The following KCNH3 variants were observed in gnomAD, a reference collection of about 807,000 sequenced individuals.
The protein encoded by KCNH3 is voltage-gated inwardly rectifying potassium channel KCNH3.
KCNH3 carries 36 observed loss-of-function variants against 95.6 expected under a neutral mutation model. The observed-to-expected ratio is 0.38, with a 90% CI of 0.29 to 0.50. KCNH3 has a LOEUF of 0.50. Ranked by LOEUF, KCNH3 falls within the 20% of genes least tolerant of loss-of-function variation. The pLI, the probability that KCNH3 is intolerant of heterozygous loss-of-function variation, is 0.95. For synonymous variants in KCNH3, 620 were observed against 646.3 expected (o/e 0.96, Z 0.62); for missense variants, 1,030 against 1,484.1 (o/e 0.69, Z 5.03).
intron 11 of KCNH3, 115 bp downstream of exon 11, chr12:49,554,669 C>T (rs1938371553): frequency 4.4e-6 from 4 of 917,836 alleles, no homozygotes; most frequent in East Asian, 2.6e-5. Context: ...GGTATGAAAG[C>T]TCCCACCTTG....
intron 7 of KCNH3, among the ~76,000 whole-genome samples, chr12:49,547,866 T>C (rs938513454): frequency 6.6e-6 from 1 of 151,784 alleles, no homozygotes; most frequent in African/African-American, 2.4e-5. Context: ...CTCTCTCCCT[T>C]GCACCCCATG....
intron 7 of KCNH3, among the ~76,000 whole-genome samples, chr12:49,548,095 C>CGT (rs369626063): frequency 0.047 from 6,941 of 146,598 alleles, 319 homozygotes; most frequent in Admixed American, 0.15. Flanking sequence ...CCTGTGACTA[C>CGT]GTGTGTGTGT....
chr12:49,548,941 G>T lies in KCNH3; in HGVS notation c.1236G>T (p.Leu412=). 6.2e-7 allele frequency: 1 copy of T among 1,601,734 alleles called. No homozygotes were observed. Among genetic ancestry groups the T allele is most frequent in the Non-Finnish European group, 8.5e-7 (1 of 1,174,858 alleles). The part of the protein sequence containing the change: ...LARRLETPYY[L]VGRRPAGGNS... ...GCCGACTGGAGACTCCCTACTACCT[G>T]GTGGGCCGGAGGCCAGCTGGAGGGA... Residue 412 remains leucine, a synonymous_variant, in exon 8 of 15, where the codon CTG becomes CTT. Coordinates refer to ENST00000257981, the MANE Select transcript of KCNH3 (RefSeq NM_012284.3).
In KCNH3 at chr12:49,543,463, C is replaced by T. The variant is rs749555874; in HGVS notation, c.768C>T (p.Ala256=). The T allele has an allele frequency of 1.9e-5, 31 of 1,602,124 alleles. No individual in the cohort carries two copies. The highest frequency in any genetic ancestry group is 2.5e-5 in the Non-Finnish European group (29 of 1,179,372). ...VCVSTAREPS[A]ARGPPSVCDL... is the part of the protein sequence containing the mutation. ...TGAGCACAGCACGGGAGCCCAGTGC[C>T]GCCCGCGGCCCGCCCAGCGTCTGTG... Residue 256 remains alanine (A), a synonymous_variant, in exon 5 of 15, where the codon GCC becomes GCT. Coordinates refer to ENST00000257981, the MANE Select transcript of KCNH3 (RefSeq NM_012284.3).
intron 5 of KCNH3, 37 bp from the exon 6 acceptor site, chr12:49,543,878 C>A (rs748165905): frequency 2.5e-6 from 4 of 1,581,840 alleles, no homozygotes; most frequent in Admixed American, 1.7e-5. Context: ...GCTGCCCCCC[C>A]AGCCCCAGTG....
chr12:49,551,252 C>A (rs1402265071), intron 10 of KCNH3, among the ~76,000 whole-genome samples: 1 of 152,130 alleles, frequency 6.6e-6, no homozygotes, highest in African/African-American at 2.4e-5. Context: ...CATTCTAACT[C>A]TCAGGGAAAC....
At chr12:49,548,560 G>A (rs1938147327) in intron 7 of KCNH3, among the ~76,000 whole-genome samples, 1 of 152,180 alleles carries the variant, frequency 6.6e-6, no homozygotes, top group East Asian at 1.9e-4. Context: ...TTTTGGGGTT[G>A]AGGCTGTGGT....
In KCNH3 at chr12:49,539,229, C is replaced by G. The variant is rs1157534384; in HGVS notation, c.-188C>G. 5.8e-6 allele frequency: 1 copy of G among 173,590 alleles called. No individual in the cohort carries two copies. The highest frequency in any genetic ancestry group is 6.3e-5 in the Admixed American group (1 of 15,858). The allele number at this position is 173,590 out of a possible 1,614,324, so 10.8% of individuals were successfully genotyped here. ...GGGCCGCGCGCCATGCTCCGGGCCC[C>G]GACGGCGCGGACGCCCCCTCGCGCG... On this transcript the variant is annotated 5_prime_UTR_variant, in exon 1 of 15. Transcript: ENST00000257981. The surrounding 1 kb of genome is among the most constrained non-coding windows in gnomAD (Gnocchi z 6.7).
chr12:49,549,248 G>T, intron 8 of KCNH3, 75 bp downstream of exon 8: 1 of 1,512,436 alleles, frequency 6.6e-7, no homozygotes, highest in Non-Finnish European at 8.9e-7. Context: ...CCCACTCCCC[G>T]GAGGGCCTGA....
At chr12:49,553,523 TTAACTC>T (rs1414068884) in intron 10 of KCNH3, among the ~76,000 whole-genome samples, 1 of 152,174 alleles carries the variant, frequency 6.6e-6, no homozygotes, top group Non-Finnish European at 1.5e-5. Context: ...TTTATCTACA[TTAACTC>T]TAATTTAGCC....
At chr12:49,545,401 G>C (rs1938025466) in intron 7 of KCNH3, among the ~76,000 whole-genome samples, 1 of 143,394 alleles carries the variant, frequency 7.0e-6, no homozygotes, top group Non-Finnish European at 1.5e-5. Flanking sequence ...AGATGCAGGT[G>C]GCTTTTTTTT....
intron 1 of KCNH3, among the ~76,000 whole-genome samples, chr12:49,540,601 C>G (rs1240707466): frequency 6.6e-6 from 1 of 152,166 alleles, no homozygotes; most frequent in African/African-American, 2.4e-5. Context: ...TCCCCAATCC[C>G]AGCCCTTACC....
Position 49,539,812 on chromosome 12 carries a change from T to A in KCNH3, c.76+320T>A, listed in dbSNP as rs1166588265. On this transcript the variant is annotated intron_variant, in intron 1 of 14. Coordinates refer to ENST00000257981, the MANE Select transcript of KCNH3 (RefSeq NM_012284.3). This position sits in a 1 kb window ranked among gnomAD's most constrained non-coding sequence, Gnocchi z 6.7. ...CCCATCCCACCCCTGCGTCTGGCGC[T>A]GTCGCAGCAACTACCCTCGGACTGG... Among the ~76,000 whole-genome samples the A allele has an allele frequency of 1.3e-5, 2 of 152,170 alleles. No individual in the cohort carries two copies. Among genetic ancestry groups the A allele is most frequent in the Non-Finnish European group, 2.9e-5 (2 of 68,024 alleles).
chr12:49,541,247 ATCCCATCT>A, intron 2 of KCNH3, 115 bp downstream of exon 2: 1 of 787,368 alleles, frequency 1.3e-6, no homozygotes, highest in South Asian at 1.7e-5. Flanking sequence ...TCCCCATGTC[ATCCCATCT>A]TCCCATCCCC....
intron 7 of KCNH3, among the ~76,000 whole-genome samples, chr12:49,544,642 C>G (rs1039307829): frequency 6.6e-6 from 1 of 152,102 alleles, no homozygotes; most frequent in African/African-American, 2.4e-5. Context: ...TGGTCACATT[C>G]CTTAAACCCC....
At chr12:49,547,126 C>G (rs1938089080) in intron 7 of KCNH3, among the ~76,000 whole-genome samples, 1 of 152,134 alleles carries the variant, frequency 6.6e-6, no homozygotes, top group Non-Finnish European at 1.5e-5. Context: ...AACTCCTGAC[C>G]TTGTGATCTG....
At chr12:49,541,987 C>G (rs1937887058) in intron 3 of KCNH3, among the ~76,000 whole-genome samples, 1 of 152,232 alleles carries the variant, frequency 6.6e-6, no homozygotes, top group Non-Finnish European at 1.5e-5. Flanking sequence ...TTTAAGTCAA[C>G]TTTATTAAGA....
intron 10 of KCNH3, 53 bp from the exon 11 acceptor site, chr12:49,554,284 C>G: frequency 6.9e-7 from 1 of 1,448,920 alleles, no homozygotes; most frequent in South Asian, 1.1e-5. Flanking sequence ...CCCCTCTTCT[C>G]TCCTCATGGC....
chr12:49,557,303 G>A, intron 14 of KCNH3, 44 bp downstream of exon 14: 1 of 1,613,626 alleles, frequency 6.2e-7, no homozygotes, highest in Non-Finnish European at 8.5e-7. Context: ...ACCAGGGGAA[G>A]GCACTCCATG....
Sources: gnomAD v4.1 joint callset for allele counts (sites outside exome capture counted in the v4.1 genomes callset) on GRCh38, gnomAD v4.1.1 for gene constraint, Gnocchi (gnomAD v3.1) non-coding constraint, MANE v1.5 for transcripts, NCBI Gene and HGNC (gene_info 2026-07-23, HGNC 2026-07-21) for gene names.